KLHL13: variants seen among roughly 807,000 people sequenced by gnomAD.
KLHL13 encodes kelch like family member 13, also known as kelch-like protein 13.
A neutral mutation model predicts 37.1 loss-of-function variants in KLHL13; 10 were observed. The observed-to-expected ratio is 0.27, with a 90% CI of 0.17 to 0.46. The LOEUF (loss-of-function observed/expected upper bound fraction) is 0.46, where lower values mean the gene tolerates loss of function less well. Among genes scored for constraint, KLHL13 ranks in the 20% least tolerant of loss-of-function variants. The pLI is 1.00. For missense variants in KLHL13, 360 were observed against 509.3 expected (o/e 0.71, Z 2.82); for synonymous variants, 163 against 181.2 (o/e 0.90, Z 0.81).
At chrX:118,081,112 G>A (rs1353676330) in intron 1 of KLHL13, among the ~76,000 whole-genome samples, 1 of 111,506 alleles carries the variant, frequency 9.0e-6, no homozygotes, top group Non-Finnish European at 1.9e-5. Context: ...GACTACTAGA[G>A]GGGTGAGGGG....
chrX:117,922,267 A>G (rs777574739), intron 2 of KLHL13, among the ~76,000 whole-genome samples: 2 of 110,791 alleles, frequency 1.8e-5, no homozygotes, highest in East Asian at 5.7e-4. Flanking sequence ...GCATTGATAT[A>G]TGGGGTCTAA....
intron 1 of KLHL13, among the ~76,000 whole-genome samples, chrX:117,983,041 T>G (rs1047828934): frequency 3.6e-5 from 4 of 111,735 alleles, no homozygotes; most frequent in African/African-American, 1.3e-4. Context: ...ATTATCTTGA[T>G]TGTGTAATAC....
chrX:118,036,018 T>G (rs750366692), intron 1 of KLHL13, among the ~76,000 whole-genome samples: 1 of 102,368 alleles, frequency 9.8e-6, no homozygotes, highest in African/African-American at 4.1e-5. Context: ...ATAAAATACC[T>G]AGGAGTCCAA....
At chrX:118,114,871 A>G (rs1328205387) in intron 1 of KLHL13, among the ~76,000 whole-genome samples, 10 of 112,618 alleles carry the variant, frequency 8.9e-5, no homozygotes, top group East Asian at 5.6e-4. Context: ...GGGCTTTTTA[A>G]TAATTGAAGC....
At chrX:117,969,376 T>C (rs1239589418) in intron 1 of KLHL13, among the ~76,000 whole-genome samples, 3 of 112,038 alleles carry the variant, frequency 2.7e-5, no homozygotes, top group Non-Finnish European at 3.8e-5. Flanking sequence ...AATGAATACC[T>C]AAACACCATA....
exon 1 of KLHL13, chrX:117,973,494 G>T: frequency 1.1e-6 from 1 of 915,234 alleles, no homozygotes; most frequent in African/African-American, 2.1e-5. Flanking sequence ...TATGGGAAAA[G>T]CCCGTTTCAA....
Position 118,113,362 on chromosome X carries a change from G to GA in KLHL13, c.-56+3145dup, listed in dbSNP as rs1169536542. 3.6e-5 allele frequency among the ~76,000 whole-genome samples: 4 copies of GA among 111,564 alleles called. No individual in the cohort carries two copies. In the South Asian group the frequency reaches 1.5e-3, roughly 42 times the overall value. On this transcript the variant is annotated intron_variant, in intron 1 of 6. Transcript: ENST00000371882. ...TTTTTAAGCCAATGACCTTCCCCAG[G>GA]AAAGACTCTTCAGTGGCTTCCTATT...
At chrX:118,006,963 T>C (rs1306695841) in intron 1 of KLHL13, among the ~76,000 whole-genome samples, 1 of 111,469 alleles carries the variant, frequency 9.0e-6, no homozygotes, top group African/African-American at 3.3e-5. Context: ...AAATGTAACA[T>C]TAAGGGGCAG....
chrX:118,071,234 T>C (rs1312161277), intron 1 of KLHL13, among the ~76,000 whole-genome samples: 7 of 111,822 alleles, frequency 6.3e-5, no homozygotes, highest in Non-Finnish European at 9.4e-5. Flanking sequence ...CATGTGTCTT[T>C]ATAGCGGCAT....
intron 1 of KLHL13, chrX:117,983,371 G>GT: frequency 2.2e-6 from 1 of 444,644 alleles, no homozygotes; most frequent in Non-Finnish European, 3.7e-6. Context: ...AGCCATTACT[G>GT]TAACTATACT....
chrX:118,031,202 G>T (rs1023755793), intron 1 of KLHL13, among the ~76,000 whole-genome samples: 1 of 109,874 alleles, frequency 9.1e-6, no homozygotes, highest in Admixed American at 1.0e-4. Context: ...TCTCTCAGAA[G>T]TTCATGTAGA....
chrX:118,033,661 A>G (rs1257721632), intron 1 of KLHL13, among the ~76,000 whole-genome samples: 14 of 109,313 alleles, frequency 1.3e-4, no homozygotes, highest in Non-Finnish European at 1.9e-4. Flanking sequence ...GACCATCGAG[A>G]CTAGGAAGAA....
At chrX:117,911,718 A>C (rs1388337541) in intron 4 of KLHL13, among the ~76,000 whole-genome samples, 1 of 111,868 alleles carries the variant, frequency 8.9e-6, no homozygotes, top group Non-Finnish European at 1.9e-5. Flanking sequence ...GTCCCTACAA[A>C]GGATATGAAC....
upstream of KLHL13, among the ~76,000 whole-genome samples, chrX:117,978,610 C>G (rs1326366693): frequency 3.6e-5 from 4 of 110,845 alleles, no homozygotes; most frequent in South Asian, 3.8e-4. Context: ...GGCAAAAATA[C>G]AGAGAGACTG....
In KLHL13 at chrX:117,985,341, T is replaced by C. The variant is rs1423668509; in HGVS notation, c.-55-39766A>G. ...TCTCTGGAGTTTTAAAGTTAAGAGCTGTGATGCACAGCTAGGCTCTGCTAC... is the reference window on the plus strand; with the variant it reads ...TCTCTGGAGTTTTAAAGTTAAGAGCCGTGATGCACAGCTAGGCTCTGCTAC... On this transcript the variant is annotated intron_variant, in intron 1 of 6. Coordinates refer to the KLHL13 transcript ENST00000371882. 2.5e-5 allele frequency: 28 copies of C among 1,116,589 alleles called. No individual in the cohort carries two copies. In the African/African-American group the frequency reaches 5.0e-4, roughly 20 times the overall value. 92.0% of individuals were successfully genotyped at this position (1,116,589 alleles called of 1,213,427 possible). A position where few individuals can be genotyped will look rare whatever the true frequency, so the allele number is the denominator to read the frequency against.
At chrX:117,939,992 T>C (rs776283998) in intron 2 of KLHL13, among the ~76,000 whole-genome samples, 2 of 111,930 alleles carry the variant, frequency 1.8e-5, no homozygotes, top group Non-Finnish European at 3.8e-5. Flanking sequence ...TTGCTTTTGG[T>C]GTGTTAGTCA....
At chrX:118,070,174 C>G (rs1277987303) in intron 1 of KLHL13, among the ~76,000 whole-genome samples, 2 of 111,899 alleles carry the variant, frequency 1.8e-5, no homozygotes, top group African/African-American at 3.2e-5. Flanking sequence ...CACACAATGA[C>G]AAAATTGCCT....
intron 1 of KLHL13, among the ~76,000 whole-genome samples, chrX:118,010,801 G>A (rs1254048925): frequency 9.0e-6 from 1 of 111,323 alleles, no homozygotes; most frequent in Non-Finnish European, 1.9e-5. Context: ...GGCCACATGT[G>A]GTGGCTCACG....
chrX:118,038,212 G>A (rs2148051898), intron 1 of KLHL13, among the ~76,000 whole-genome samples: 1 of 111,869 alleles, frequency 8.9e-6, no homozygotes, highest in African/African-American at 3.2e-5. Flanking sequence ...ATGAGATTGG[G>A]AAATGTTACT....
Sources: allele counts gnomAD v4.1 joint callset (sites outside exome capture counted in the v4.1 genomes callset), GRCh38; gene constraint gnomAD v4.1.1; transcripts MANE v1.5; gene names NCBI Gene and HGNC (gene_info 2026-07-23, HGNC 2026-07-21).